Variants in SMYD3 observed in about 807,000 individuals in gnomAD.
SMYD3 encodes the protein histone-lysine N-methyltransferase SMYD3.
A neutral mutation model predicts 57.7 loss-of-function variants in SMYD3; 36 were observed. That is an observed-to-expected ratio of 0.62 (90% confidence interval 0.48 to 0.82). The LOEUF (loss-of-function observed/expected upper bound fraction) is 0.82, where lower values mean the gene tolerates loss of function less well. Ranked by LOEUF, SMYD3 falls within the 40% of genes least tolerant of loss-of-function variation. SMYD3 has a pLI of 0.00. For missense variants in SMYD3, 515 were observed against 538.8 expected (o/e 0.96, Z 0.44); for synonymous variants, 211 against 195.0 (o/e 1.08, Z -0.68).
At chr1:246,073,371 T>C (rs1054526164) in intron 5 of SMYD3, among the ~76,000 whole-genome samples, 1 of 152,224 alleles carries the variant, frequency 6.6e-6, no homozygotes, top group Admixed American at 6.5e-5. Flanking sequence ...ATTCCACAAT[T>C]ATATTTTTGA....
At chr1:246,275,763 A>C (rs1222742915) in intron 5 of SMYD3, among the ~76,000 whole-genome samples, 1 of 151,590 alleles carries the variant, frequency 6.6e-6, no homozygotes, top group African/African-American at 2.4e-5. Context: ...CCATGTTTGA[A>C]TACTAACTCT....
intron 1 of SMYD3, among the ~76,000 whole-genome samples, chr1:246,481,595 T>C (rs1209123102): frequency 1.7e-4 from 12 of 72,368 alleles, no homozygotes; most frequent in African/African-American, 7.6e-4. Context: ...TCAGGCTCCA[T>C]ATATATATAT....
intron 10 of SMYD3, among the ~76,000 whole-genome samples, chr1:245,843,604 C>A (rs2050516035): frequency 6.7e-6 from 1 of 150,076 alleles, no homozygotes; most frequent in African/African-American, 2.5e-5. Context: ...ATATGTGAAA[C>A]AAAGTAACAT....
At chr1:246,045,674 C>G (rs1266709412) in intron 5 of SMYD3, among the ~76,000 whole-genome samples, 2 of 152,004 alleles carry the variant, frequency 1.3e-5, no homozygotes, top group African/African-American at 4.8e-5. Context: ...CAAAAGAAAC[C>G]ACCATCAGAA....
chr1:245,827,828 T>C (rs533819985), intron 10 of SMYD3, among the ~76,000 whole-genome samples: 1 of 152,324 alleles, frequency 6.6e-6, no homozygotes, highest in East Asian at 1.9e-4. Flanking sequence ...GTCACTCATG[T>C]GGTTACAGAG....
At chr1:245,938,559 A>T (rs1015912133) in intron 5 of SMYD3, among the ~76,000 whole-genome samples, 1 of 152,196 alleles carries the variant, frequency 6.6e-6, no homozygotes, top group Non-Finnish European at 1.5e-5. Flanking sequence ...TATAGAAAGA[A>T]ATAAAAGAGG....
intron 10 of SMYD3, among the ~76,000 whole-genome samples, chr1:245,792,757 A>G (rs1158010067): frequency 6.6e-6 from 1 of 152,146 alleles, no homozygotes; most frequent in African/African-American, 2.4e-5. Flanking sequence ...AAGGGTGCAG[A>G]CATGATCTGC....
chr1:246,222,902 A>C (rs1006481745), intron 5 of SMYD3, among the ~76,000 whole-genome samples: 2 of 152,168 alleles, frequency 1.3e-5, no homozygotes, highest in African/African-American at 4.8e-5. Flanking sequence ...TATGTGCTCT[A>C]ATATTGTAAT....
At chr1:245,803,051 G>A (rs1221276407) in intron 10 of SMYD3, among the ~76,000 whole-genome samples, 1 of 152,196 alleles carries the variant, frequency 6.6e-6, no homozygotes, top group African/African-American at 2.4e-5. Flanking sequence ...AAGACTCACA[G>A]GGCTGGCAGA....
chr1:246,242,470 T>G (rs972687702), intron 5 of SMYD3, among the ~76,000 whole-genome samples: 2 of 152,216 alleles, frequency 1.3e-5, no homozygotes, highest in African/African-American at 4.8e-5. Context: ...TTGTTATAAT[T>G]TATGTTCTTT....
chr1:246,074,961 A>T, intron 5 of SMYD3, among the ~76,000 whole-genome samples: 1 of 151,104 alleles, frequency 6.6e-6, no homozygotes, highest in African/African-American at 2.4e-5. Flanking sequence ...CTTCAGAGGA[A>T]TATAAGAGAA....
chr1:245,783,568 T>G (rs539109058), intron 10 of SMYD3, among the ~76,000 whole-genome samples: 2 of 150,010 alleles, frequency 1.3e-5, no homozygotes, highest in African/African-American at 4.9e-5. Flanking sequence ...AAAAAAAAAA[T>G]AACAGGATAT....
At chr1:245,799,014 C>T (rs1232800595) in intron 10 of SMYD3, among the ~76,000 whole-genome samples, 1 of 152,184 alleles carries the variant, frequency 6.6e-6, no homozygotes, top group Non-Finnish European at 1.5e-5. Context: ...TCTTTTCACT[C>T]CTGTCTGCAC....
intron 5 of SMYD3, among the ~76,000 whole-genome samples, chr1:246,288,517 G>A (rs1032287370): frequency 1.1e-4 from 16 of 152,052 alleles, no homozygotes; most frequent in African/African-American, 3.6e-4. Flanking sequence ...TCCCCAGAGT[G>A]GAGAGATGGC....
intron 1 of SMYD3, among the ~76,000 whole-genome samples, chr1:246,465,705 AAAAT>A (rs1301839220): frequency 5.3e-5 from 8 of 152,364 alleles, no homozygotes; most frequent in East Asian, 3.9e-4. Flanking sequence ...GGATTATTAA[AAAAT>A]AAATAAATAA....
chr1:245,931,329 G>A (rs1010171009), intron 5 of SMYD3, among the ~76,000 whole-genome samples: 4 of 152,180 alleles, frequency 2.6e-5, no homozygotes, highest in African/African-American at 9.7e-5. Flanking sequence ...CAGGAGAACT[G>A]GGTAGCACAG....
At position 246,005,480 on chromosome 1, in the gene SMYD3, C is replaced by A. The variant is rs1291664079; in HGVS notation, c.532-75543G>T. Among the ~76,000 whole-genome samples the A allele has an allele frequency of 2.0e-5, 3 of 152,126 alleles. 1 individual carries two copies. The highest frequency in any genetic ancestry group is 6.6e-5 in the Admixed American group (1 of 15,264). ...AACATTGGTTTGCTCATCTAAAATG[C>A]GGATAGTCACCTGTCTCTATAAAGG... On this transcript the variant is annotated intron_variant, in intron 5 of 11. Transcript: ENST00000490107.
At chr1:245,772,158 C>G (rs2046364094) in intron 10 of SMYD3, among the ~76,000 whole-genome samples, 2 of 152,204 alleles carry the variant, frequency 1.3e-5, no homozygotes, top group Non-Finnish European at 2.9e-5. Context: ...GGCCTCATAT[C>G]ATTAAGATGG....
intron 5 of SMYD3, among the ~76,000 whole-genome samples, chr1:246,104,358 C>T (rs1042341179): frequency 6.6e-6 from 1 of 152,204 alleles, no homozygotes; most frequent in African/African-American, 2.4e-5. Context: ...TATACAAAGA[C>T]TAGAACGGTG....
Sources: allele counts gnomAD v4.1 joint callset (sites outside exome capture counted in the v4.1 genomes callset), GRCh38; gene constraint gnomAD v4.1.1; transcripts MANE v1.5; gene names NCBI Gene and HGNC (gene_info 2026-07-23, HGNC 2026-07-21).